Variants in SRGAP1 observed in about 807,000 individuals in gnomAD.
SRGAP1 encodes the protein SLIT-ROBO Rho GTPase activating protein 1.
Under a neutral mutation model 121.9 loss-of-function variants are expected in SRGAP1, and 43 were observed. The ratio of observed to expected loss-of-function variants is 0.35; its 90% CI spans 0.28 to 0.46. The LOEUF (loss-of-function observed/expected upper bound fraction) is 0.46. Among genes scored for constraint, SRGAP1 ranks in the 20% least tolerant of loss-of-function variants. SRGAP1 has a pLI of 1.00. For synonymous variants in SRGAP1, 447 were observed against 485.4 expected, an observed-to-expected ratio of 0.92 and a Z score of 1.04; for missense variants, 1,102 against 1,350.9, an observed-to-expected ratio of 0.82 and a Z score of 2.89.
At chr12:63,913,508 T>C (rs542873202) in intron 1 of SRGAP1, among the ~76,000 whole-genome samples, 1 of 142,890 alleles carries the variant, frequency 7.0e-6, no homozygotes, top group Non-Finnish European at 1.5e-5. Flanking sequence ...CATATATGTG[T>C]ATATATATAT....
intron 21 of SRGAP1, 129 bp downstream of exon 21, chr12:64,128,329 C>G: frequency 1.0e-6 from 1 of 962,634 alleles, no homozygotes; most frequent in Non-Finnish European, 1.5e-6. Context: ...CTAAAGAAAA[C>G]AGAAACAAAA....
intron 11 of SRGAP1, among the ~76,000 whole-genome samples, chr12:64,090,253 T>C (rs7980267): frequency 0.42 from 63,831 of 152,036 alleles, 13,606 homozygotes; most frequent in East Asian, 0.62. Context: ...TACTACATGC[T>C]GCACTAGATG....
At chr12:64,101,132 CCT>C (rs76744155) in intron 15 of SRGAP1, among the ~76,000 whole-genome samples, 4,656 of 152,076 alleles carry the variant, frequency 0.031, 113 homozygotes, top group Middle Eastern at 0.044. Flanking sequence ...TGTTTTTACC[CCT>C]GTCATCTTGT....
At chr12:63,898,707 A>T (rs934296396) in intron 1 of SRGAP1, among the ~76,000 whole-genome samples, 3 of 152,202 alleles carry the variant, frequency 2.0e-5, no homozygotes, top group African/African-American at 7.2e-5. Context: ...TAAGCTATTA[A>T]ATGTATATTG....
Position 63,846,956 on chromosome 12 carries a change from G to C in SRGAP1, c.67+2073G>C, listed in dbSNP as rs193169969. Among the ~76,000 whole-genome samples, 103 of 152,320 alleles carry C rather than the reference G, an allele frequency of 6.8e-4. 1 individual carries two copies. The highest frequency in any genetic ancestry group is 2.5e-3 in the African/African-American group (102 of 41,572). On this transcript the variant is annotated intron_variant, in intron 1 of 21. Coordinates refer to ENST00000355086, the MANE Select transcript of SRGAP1 (RefSeq NM_020762.4). ...CCAGCTGTCCAATGCAGGGAGAGTA[G>C]GCCCCTTAGTAAGGACAGCATGGGA...
Position 64,078,990 on chromosome 12 carries a change from T to A in SRGAP1, c.1197T>A (p.Ser399=). 6.2e-7 allele frequency: 1 copy of A among 1,614,142 alleles called. No homozygotes were observed. Among genetic ancestry groups the A allele is most frequent in the Admixed American group, 1.7e-5 (1 of 60,028 alleles). Residue 399 remains serine, a synonymous_variant, in exon 9 of 22, where the codon TCT becomes TCA. Coordinates refer to ENST00000355086, the MANE Select transcript of SRGAP1 (RefSeq NM_020762.4). ...DMVTIEDYDV[S]ECFQHSRSTE... is the part of the protein sequence containing the mutation. Reference sequence around the variant, plus strand: ...TCACCATCGAGGACTATGATGTTTCTGAATGCTTCCAGCACAGTCGTTCCA... The same window carrying A: ...TCACCATCGAGGACTATGATGTTTCAGAATGCTTCCAGCACAGTCGTTCCA...
At chr12:63,884,639 C>A (rs1900309774) in intron 1 of SRGAP1, among the ~76,000 whole-genome samples, 1 of 152,048 alleles carries the variant, frequency 6.6e-6, no homozygotes, top group African/African-American at 2.4e-5. Flanking sequence ...AGAATTTATT[C>A]CCCGTACCTA....
chr12:63,995,621 C>CA (rs2033676000), intron 3 of SRGAP1, among the ~76,000 whole-genome samples: 2 of 152,268 alleles, frequency 1.3e-5, no homozygotes, highest in South Asian at 4.1e-4. Flanking sequence ...AGAGGCACAA[C>CA]ATTTGTCAAT....
rs141625736 is a variant in SRGAP1, at chr12:64,000,429, C to G, written c.426+10357C>G. 6.6e-4 allele frequency among the ~76,000 whole-genome samples: 100 copies of G among 151,874 alleles called. 1 individual carries two copies. The highest frequency in any genetic ancestry group is 2.2e-3 in the African/African-American group (92 of 41,432). On this transcript the variant is annotated intron_variant, in intron 3 of 21. Transcript: ENST00000355086. ...TTCAAGACCAGCGTGGGCAACATAGCAAGACATGATTTCTGAAGAAAAAAT... is the reference window on the plus strand; with the variant it reads ...TTCAAGACCAGCGTGGGCAACATAGGAAGACATGATTTCTGAAGAAAAAAT...
chr12:63,946,323 A>G (rs1344481752), intron 1 of SRGAP1, among the ~76,000 whole-genome samples: 1 of 148,328 alleles, frequency 6.7e-6, no homozygotes, highest in Non-Finnish European at 1.5e-5. Context: ...TTATGCAGGC[A>G]TAATTGACCA....
intron 15 of SRGAP1, among the ~76,000 whole-genome samples, chr12:64,107,500 G>T (rs1412549582): frequency 1.3e-5 from 2 of 152,170 alleles, no homozygotes; most frequent in Non-Finnish European, 2.9e-5. Context: ...AGAAACTACA[G>T]GACTTCTTTC....
chr12:64,028,480 G>T (rs1031676662), intron 4 of SRGAP1, among the ~76,000 whole-genome samples: 2 of 152,214 alleles, frequency 1.3e-5, no homozygotes, highest in Non-Finnish European at 2.9e-5. Context: ...GCTATTGTGG[G>T]CTGAAAAGAT....
At chr12:63,970,460 G>T (rs568046257) in intron 1 of SRGAP1, among the ~76,000 whole-genome samples, 3 of 152,290 alleles carry the variant, frequency 2.0e-5, no homozygotes, top group African/African-American at 7.2e-5. Flanking sequence ...ATTAAAAAAT[G>T]TTAACATTTT....
At chr12:63,999,333 T>A (rs2033808125) in intron 3 of SRGAP1, among the ~76,000 whole-genome samples, 1 of 152,198 alleles carries the variant, frequency 6.6e-6, no homozygotes, top group Non-Finnish European at 1.5e-5. Flanking sequence ...TTCACAGGTT[T>A]AAACACGATA....
chr12:64,011,395 G>A (rs897174411), intron 3 of SRGAP1, among the ~76,000 whole-genome samples: 3 of 152,062 alleles, frequency 2.0e-5, no homozygotes, highest in African/African-American at 7.3e-5. Flanking sequence ...TGACATTGTT[G>A]TCCTAGAAGC....
intron 21 of SRGAP1, among the ~76,000 whole-genome samples, chr12:64,131,446 G>T (rs961630397): frequency 2.0e-5 from 3 of 152,230 alleles, no homozygotes. Context: ...ACTGCTCGAA[G>T]TTCTGCCCAC....
chr12:64,090,317 A>G (rs1333757162), intron 11 of SRGAP1, among the ~76,000 whole-genome samples: 1 of 152,246 alleles, frequency 6.6e-6, no homozygotes, highest in Non-Finnish European at 1.5e-5. Context: ...CAGACTGGAG[A>G]GGAAGAGAGT....
chr12:64,040,319 G>A (rs143498304), intron 4 of SRGAP1, among the ~76,000 whole-genome samples: 39 of 152,178 alleles, frequency 2.6e-4, no homozygotes, highest in Middle Eastern at 3.4e-3. Flanking sequence ...TGAAAACATT[G>A]CATTATTCTC....
At chr12:63,897,199 T>G (rs1290659958) in intron 1 of SRGAP1, among the ~76,000 whole-genome samples, 1 of 152,218 alleles carries the variant, frequency 6.6e-6, no homozygotes, top group Non-Finnish European at 1.5e-5. Flanking sequence ...TGTTTTTAAA[T>G]AAAAGATCTT....
Sources: gnomAD v4.1 joint callset for allele counts (sites outside exome capture counted in the v4.1 genomes callset) on GRCh38, gnomAD v4.1.1 for gene constraint, MANE v1.5 for transcripts, NCBI Gene and HGNC (gene_info 2026-07-23, HGNC 2026-07-21) for gene names.